The following EEIG1 variants were observed in gnomAD, a reference collection of about 807,000 sequenced individuals.
EEIG1 encodes the protein estrogen-induced osteoclastogenesis regulator 1.
At chr9:127,944,304 T>G in the EEIG1 span, 2 of 473,940 alleles carry the variant, frequency 4.2e-6, no homozygotes, top group East Asian at 3.6e-5. Flanking sequence ...GAAGGGAGGG[T>G]TCTAAATAAA....
At chr9:127,973,346 C>G in the EEIG1 span, among the ~76,000 whole-genome samples, 1 of 152,144 alleles carries the variant, frequency 6.6e-6, no homozygotes, top group Non-Finnish European at 1.5e-5. This position sits in a 1 kb window ranked among gnomAD's most constrained non-coding sequence, Gnocchi z 4.2. Context: ...GGACTCAGGG[C>G]CCCCCTGCCA....
chr9:127,974,970 CT>C, the EEIG1 span, among the ~76,000 whole-genome samples: 5 of 152,240 alleles, frequency 3.3e-5, no homozygotes, highest in African/African-American at 1.2e-4. Context: ...CTCCACTCAG[CT>C]CCAAGGGACA....
the EEIG1 span, chr9:127,943,591 A>C: frequency 3.5e-6 from 1 of 283,026 alleles, no homozygotes; most frequent in Non-Finnish European, 6.8e-6. Context: ...AAGTCAGGAA[A>C]CCTGGTCAGC....
chr9:127,944,610 C>T, the EEIG1 span: 6 of 1,609,888 alleles, frequency 3.7e-6, no homozygotes, highest in Admixed American at 6.7e-5. Flanking sequence ...CTAAGCCTGC[C>T]CTACCTGGTG....
At chr9:127,945,042 C>G in the EEIG1 span, 30 of 1,019,644 alleles carry the variant, frequency 2.9e-5, no homozygotes, top group Non-Finnish European at 4.1e-5. This position sits in a 1 kb window ranked among gnomAD's most constrained non-coding sequence, Gnocchi z 6.5. Context: ...TGAAACCTCA[C>G]ATGCACAATA....
At chr9:127,961,948 A>T in the EEIG1 span, among the ~76,000 whole-genome samples, 1 of 152,228 alleles carries the variant, frequency 6.6e-6, no homozygotes, top group Non-Finnish European at 1.5e-5. Flanking sequence ...AAGCTTACAG[A>T]GGAGCTGTAT....
the EEIG1 span, among the ~76,000 whole-genome samples, chr9:127,972,379 C>T: frequency 6.6e-6 from 1 of 152,198 alleles, no homozygotes; most frequent in Non-Finnish European, 1.5e-5. The surrounding 1 kb of genome is among the most constrained non-coding windows in gnomAD (Gnocchi z 4.3). Flanking sequence ...GGAGTGCCAG[C>T]GGCCATGCAG....
chr9:127,945,029 C>T, the EEIG1 span: 5 of 1,108,608 alleles, frequency 4.5e-6, no homozygotes, highest in African/African-American at 7.8e-5. This position sits in a 1 kb window ranked among gnomAD's most constrained non-coding sequence, Gnocchi z 6.5. Flanking sequence ...TGCTGTACTT[C>T]ACTGAAACCT....
At chr9:127,944,743 G>A in the EEIG1 span, 994 of 1,611,670 alleles carry the variant, frequency 6.2e-4, 10 homozygotes, top group East Asian at 2.0e-4. Context: ...CTTGGAGCAG[G>A]TGGCCTCGCC....
At chr9:127,977,048 G>C in the EEIG1 span, among the ~76,000 whole-genome samples, 1 of 151,980 alleles carries the variant, frequency 6.6e-6, no homozygotes, top group Admixed American at 6.5e-5. Flanking sequence ...AGGAACCCCC[G>C]TCTACTGGGC....
the EEIG1 span, chr9:127,945,894 G>T: frequency 1.6e-6 from 1 of 639,290 alleles, no homozygotes; most frequent in Non-Finnish European, 2.8e-6. The surrounding 1 kb of genome is among the most constrained non-coding windows in gnomAD (Gnocchi z 6.5). Context: ...CAGAGGAGCA[G>T]CAACCAGCCT....
chr9:127,964,509 G>A, the EEIG1 span, among the ~76,000 whole-genome samples: 1 of 152,220 alleles, frequency 6.6e-6, no homozygotes, highest in African/African-American at 2.4e-5. Flanking sequence ...GGGTCAAATG[G>A]GCCCATCAGG....
At chr9:127,980,583 G>GCCCCGC in the EEIG1 span, 7 of 150,602 alleles carry the variant, frequency 4.6e-5, no homozygotes, top group Non-Finnish European at 1.0e-4. Context: ...GCGGAGGGCG[G>GCCCCGC]CCCCGCCCCC....
At chr9:127,948,480 T>C in the EEIG1 span, 1 of 1,530,276 alleles carries the variant, frequency 6.5e-7, no homozygotes. Flanking sequence ...CAGGGCCCCC[T>C]GCAGCCTTTC....
the EEIG1 span, among the ~76,000 whole-genome samples, chr9:127,965,223 C>T: frequency 2.6e-5 from 4 of 151,306 alleles, no homozygotes; most frequent in Admixed American, 2.6e-4. Context: ...ACAGACTCCG[C>T]AGGACAGGGT....
chr9:127,945,656 C>A, the EEIG1 span: 1 of 1,589,690 alleles, frequency 6.3e-7, no homozygotes, highest in Non-Finnish European at 8.6e-7. The surrounding 1 kb of genome is among the most constrained non-coding windows in gnomAD (Gnocchi z 6.5). Context: ...CACCGGAGAT[C>A]TTGGACTGCT....
At chr9:127,969,606 C>A in the EEIG1 span, among the ~76,000 whole-genome samples, 2 of 152,138 alleles carry the variant, frequency 1.3e-5, no homozygotes, top group East Asian at 3.9e-4. Flanking sequence ...TCTCTGGCAG[C>A]CTCAGGAGCC....
At chr9:127,968,475 G>A in the EEIG1 span, among the ~76,000 whole-genome samples, 2 of 152,084 alleles carry the variant, frequency 1.3e-5, no homozygotes, top group African/African-American at 2.4e-5. Context: ...TTCCCCTGTC[G>A]CAAGGATGGT....
the EEIG1 span, chr9:127,950,405 T>C: frequency 1.4e-5 from 23 of 1,612,374 alleles, no homozygotes; most frequent in Non-Finnish European, 1.8e-5. Context: ...GTGGCAGAGG[T>C]GGCAGGATCC....
Sources: gnomAD v4.1 joint callset for allele counts (sites outside exome capture counted in the v4.1 genomes callset) on GRCh38, gnomAD v4.1.1 for gene constraint, Gnocchi (gnomAD v3.1) non-coding constraint, MANE v1.5 for transcripts, NCBI Gene and HGNC (gene_info 2026-07-23, HGNC 2026-07-21) for gene names.